The following BICRA variants were observed in gnomAD, a reference collection of about 807,000 sequenced individuals.
BICRA encodes BRD4 interacting chromatin remodeling complex associated protein.
BICRA carries 31 observed loss-of-function variants against 96.9 expected under a neutral mutation model. That is an observed-to-expected ratio of 0.32 (90% CI 0.24 to 0.43). The LOEUF (loss-of-function observed/expected upper bound fraction) is 0.43, where lower values mean the gene tolerates loss of function less well. Among genes scored for constraint, BICRA ranks in the 20% least tolerant of loss-of-function variants. The pLI is 1.00. For missense variants in BICRA, 2,283 were observed against 2,190.3 expected (o/e 1.04, Z -0.84); for synonymous variants, 1,350 against 1,071.8 (o/e 1.26, Z -5.07).
At chr19:47,627,712 G>A (rs936172649) in intron 1 of BICRA, among the ~76,000 whole-genome samples, 6 of 152,138 alleles carry the variant, frequency 3.9e-5, no homozygotes, top group African/African-American at 9.7e-5. Context: ...CAGATTAGGG[G>A]GCCACAGACC....
At chr19:47,646,083 G>A in intron 1 of BICRA, among the ~76,000 whole-genome samples, 1 of 152,178 alleles carries the variant, frequency 6.6e-6, no homozygotes, top group Non-Finnish European at 1.5e-5. Flanking sequence ...GGTTGACAGA[G>A]TGAGACCCTG....
intron 1 of BICRA, among the ~76,000 whole-genome samples, chr19:47,628,698 G>T (rs1167029231): frequency 6.6e-6 from 1 of 152,058 alleles, no homozygotes; most frequent in East Asian, 1.9e-4. Context: ...TCAACATCCT[G>T]GGTTCAGGTG....
chr19:47,698,699 C>T lies in BICRA; in HGVS notation c.3314C>T (p.Pro1105Leu). ...VLHPDYKTAF[P>L]SFEDALHRLL... ...CACCCCGACTACAAGACGGCCTTCC[C>T]CTCCTTTGAGGACGCCCTGCATCGC... is the stretch of plus-strand genomic sequence containing the variant. The change falls in exon 12 of 15, where the codon CCC (proline) becomes CTC (leucine). Residue 1105 changes from proline to leucine, a missense_variant. Coordinates refer to ENST00000594866, the MANE Select transcript of BICRA (RefSeq NM_001394372.1). This position sits in a 1 kb window ranked among gnomAD's most constrained non-coding sequence, Gnocchi z 4.8. The T allele has an allele frequency of 6.3e-7, 1 of 1,599,794 alleles. No individual in the cohort carries two copies. Among genetic ancestry groups the T allele is most frequent in the South Asian group, 1.1e-5 (1 of 90,802 alleles).
chr19:47,680,210 C>T lies in BICRA; in HGVS notation c.1040C>T (p.Thr347Ile). 2 of 1,555,440 alleles carry T rather than the reference C, an allele frequency of 1.3e-6. No homozygotes were observed. The highest frequency in any genetic ancestry group is 2.7e-5 in the African/African-American group (2 of 73,114). ...VPAPNVILHR[T>I]PTPIQPKPAG... ...GCGCCCAACGTGATCCTGCATCGCA[C>T]ACCCACGCCCATCCAGCCCAAGCCC... Residue 347 changes from threonine (T) to isoleucine (I), a missense_variant, in exon 6 of 15, where the codon ACA (threonine) becomes ATA (isoleucine). Physicochemically the swap from Thr to Ile is moderately conservative, Grantham distance 89. Transcript: ENST00000594866.
intron 7 of BICRA, among the ~76,000 whole-genome samples, chr19:47,689,706 G>A (rs1434869166): frequency 3.3e-5 from 5 of 152,120 alleles, no homozygotes; most frequent in Admixed American, 6.5e-5. Flanking sequence ...GAGCCACCAC[G>A]CCTGGCCACC....
intron 2 of BICRA, among the ~76,000 whole-genome samples, chr19:47,672,991 A>T (rs1568565918): frequency 6.6e-6 from 1 of 151,992 alleles, no homozygotes; most frequent in Non-Finnish European, 1.5e-5. Context: ...AGACATCTTC[A>T]AGGGTCACCC....
intron 1 of BICRA, among the ~76,000 whole-genome samples, chr19:47,642,495 G>A (rs1972398797): frequency 6.6e-6 from 1 of 152,156 alleles, no homozygotes; most frequent in Non-Finnish European, 1.5e-5. Context: ...GTGCCCAGGA[G>A]TTTGAGATCA....
At position 47,680,777 on chromosome 19, in the gene BICRA, C is replaced by T; in HGVS notation, c.1607C>T (p.Ala536Val). ...LGPVLAPHSG[A>V]HSAHILSAAP... ...CCCGTGTTGGCCCCCCACTCCGGGG[C>T]CCACAGCGCGCACATCCTCTCCGCC... The change falls in exon 6 of 15, where the codon GCC (alanine) becomes GTC (valine). Residue 536 changes from alanine to valine, a missense_variant. Physicochemically the swap from Ala to Val is moderately conservative, Grantham distance 64. Coordinates refer to ENST00000594866, the MANE Select transcript of BICRA (RefSeq NM_001394372.1). 5.0e-6 allele frequency: 8 copies of T among 1,610,212 alleles called. No homozygotes were observed. Among genetic ancestry groups the T allele is most frequent in the Non-Finnish European group, 6.8e-6 (8 of 1,178,944 alleles).
chr19:47,694,363 C>A lies in BICRA; in HGVS notation c.2532C>A (p.Pro844=). ...IFVIQNQLGV[P]PPASNPAPTA... Reference sequence around the variant, plus strand: ...TCATCCAAAACCAGCTAGGCGTTCCCCCGCCTGCCAGCAACCCGGCCCCTA... The same window carrying A: ...TCATCCAAAACCAGCTAGGCGTTCCACCGCCTGCCAGCAACCCGGCCCCTA... The change falls in exon 8 of 15, where the codon CCC becomes CCA. Residue 844 remains proline (P), a synonymous_variant. Transcript: ENST00000594866. The A allele has an allele frequency of 7.6e-7, 1 of 1,315,910 alleles. No individual in the cohort carries two copies. The highest frequency in any genetic ancestry group is 1.3e-5 in the South Asian group (1 of 79,706). The allele number at this position is 1,315,910 out of a possible 1,614,324, so 81.5% of individuals were successfully genotyped here. A position where few individuals can be genotyped will look rare whatever the true frequency, so the allele number is the denominator to read the frequency against.
rs1422529892 is a variant in BICRA, at chr19:47,702,387, G to C, written c.4655G>C (p.Gly1552Ala). Reference sequence around the variant, plus strand: ...TACCCACCCTCCAGTCACAACGGTGGCCTCGGCGCCAGGACGTTGACCAGA... The same window carrying C: ...TACCCACCCTCCAGTCACAACGGTGCCCTCGGCGCCAGGACGTTGACCAGA... ...EAYPPSSHNG[G>A]LGARTLTR is the part of the protein sequence containing the mutation. The change falls in exon 15 of 15, where the codon GGC (glycine) becomes GCC (alanine). Residue 1552 changes from glycine to alanine, a missense_variant. Gly to Ala is a moderately conservative substitution (Grantham distance 60, BLOSUM62 0). Transcript: ENST00000594866. 7 of 1,516,876 alleles carry C rather than the reference G, an allele frequency of 4.6e-6. No individual in the cohort carries two copies. The highest frequency in any genetic ancestry group is 6.1e-6 in the Non-Finnish European group (7 of 1,145,388). The allele number at this position is 1,516,876 out of a possible 1,614,324, so 94.0% of individuals were successfully genotyped here. A position where few individuals can be genotyped will look rare whatever the true frequency, so the allele number is the denominator to read the frequency against.
rs1289835958 is a variant in BICRA at position 47,701,433 on chromosome 19, C to T, written c.3701C>T (p.Ala1234Val). ...CCCCTGTCGTCTTCAGCTCCCGGGG[C>T]CTCCACCCAGCCCCCTCCACACCTG... ...HGPLSSSAPG[A>V]STQPPPHLPT... Residue 1234 changes from alanine (A) to valine (V), a missense_variant, in exon 15 of 15, where the codon GCC (alanine) becomes GTC (valine). By Grantham distance (64) the Ala-to-Val change is moderately conservative. Coordinates refer to ENST00000594866, the MANE Select transcript of BICRA (RefSeq NM_001394372.1). This position sits in a 1 kb window ranked among gnomAD's most constrained non-coding sequence, Gnocchi z 5.4. The T allele has an allele frequency of 6.3e-7, 1 of 1,578,192 alleles. No individual in the cohort carries two copies. Among genetic ancestry groups the T allele is most frequent in the Non-Finnish European group, 8.6e-7 (1 of 1,163,014 alleles).
At chr19:47,637,810 G>A (rs1248853145) in intron 1 of BICRA, among the ~76,000 whole-genome samples, 1 of 152,100 alleles carries the variant, frequency 6.6e-6, no homozygotes, top group Non-Finnish European at 1.5e-5. Context: ...ATCTTTTTGT[G>A]TCTGGTGTCT....
intron 1 of BICRA, among the ~76,000 whole-genome samples, chr19:47,649,528 A>G (rs931109937): frequency 1.3e-5 from 2 of 152,172 alleles, no homozygotes; most frequent in Admixed American, 6.5e-5. Context: ...CTGTCTGCTC[A>G]GTGTCAATGT....
At chr19:47,644,672 T>C (rs1442899753) in intron 1 of BICRA, among the ~76,000 whole-genome samples, 1 of 152,064 alleles carries the variant, frequency 6.6e-6, no homozygotes, top group Non-Finnish European at 1.5e-5. Flanking sequence ...AGATAAGTTT[T>C]GTATTTTTAG....
chr19:47,693,310 G>T lies in BICRA; in HGVS notation c.2284-805G>T, dbSNP rs541952162. On this transcript the variant is annotated intron_variant, in intron 7 of 14. Coordinates refer to ENST00000594866, the MANE Select transcript of BICRA (RefSeq NM_001394372.1). ...TGTGCGTGTGACAGAACTAGCACCA[G>T]ATCGCGTGTGCTTGCAGACACAGGC... Among the ~76,000 whole-genome samples, 5 of 152,370 alleles carry T rather than the reference G, an allele frequency of 3.3e-5. No individual in the cohort carries two copies. The South Asian group carries it at 1.0e-3, about 32-fold the overall frequency.
Position 47,679,487 on chromosome 19 carries a change from A to G in BICRA, c.317A>G (p.Gln106Arg). 6.5e-7 allele frequency: 1 copy of G among 1,541,948 alleles called. No individual in the cohort carries two copies. The highest frequency in any genetic ancestry group is 1.2e-5 in the South Asian group (1 of 82,900). ...GADQPCDILQ[Q>R]SLQEANITEQ... The stretch of plus-strand genomic sequence containing the variant: ...GACCAGCCCTGTGACATCCTCCAGC[A>G]GAGCCTCCAAGAGGCCAACATCACG... Residue 106 changes from glutamine to arginine, a missense_variant, in exon 6 of 15, where the codon CAG (glutamine) becomes CGG (arginine). Gln to Arg is a conservative substitution (Grantham distance 43, BLOSUM62 1). Coordinates refer to ENST00000594866, the MANE Select transcript of BICRA (RefSeq NM_001394372.1).
At chr19:47,628,295 A>G (rs1972170178) in intron 1 of BICRA, among the ~76,000 whole-genome samples, 1 of 151,878 alleles carries the variant, frequency 6.6e-6, no homozygotes, top group African/African-American at 2.4e-5. Context: ...TTACCACGTG[A>G]GTTCTGAGTC....
chr19:47,696,435 G>A lies in BICRA; in HGVS notation c.3187-16G>A, dbSNP rs370669553. On this transcript the variant is annotated splice_polypyrimidine_tract_variant and intron_variant, in intron 10 of 14. Coordinates refer to ENST00000594866, the MANE Select transcript of BICRA (RefSeq NM_001394372.1). ...TTCTGGAGGCAAAGGCCTCTCACTC[G>A]CCTTTCTTCTCCCAGTATGAGAGCA... The A allele has an allele frequency of 2.8e-5, 44 of 1,583,494 alleles. No individual in the cohort carries two copies. The African/African-American group carries it at 4.2e-4, about 15-fold the overall frequency.
intron 1 of BICRA, among the ~76,000 whole-genome samples, chr19:47,634,756 A>ATTTTTTTTT (rs57492096): frequency 8.3e-6 from 1 of 120,294 alleles, no homozygotes; most frequent in Admixed American, 8.8e-5. Context: ...TTAAAATTAA[A>ATTTTTTTTT]TTTTTTTTTT....
Sources: gnomAD v4.1 joint callset for allele counts (sites outside exome capture counted in the v4.1 genomes callset) on GRCh38, gnomAD v4.1.1 for gene constraint, Gnocchi (gnomAD v3.1) non-coding constraint, MANE v1.5 for transcripts, NCBI Gene and HGNC (gene_info 2026-07-23, HGNC 2026-07-21) for gene names.